Variants in KCNQ5 observed in about 807,000 individuals in gnomAD.
KCNQ5 encodes potassium voltage-gated channel subfamily KQT member 5.
In KCNQ5, 30 loss-of-function variants were observed where a neutral mutation model predicts 98.2. The ratio of observed to expected loss-of-function variants is 0.31; its 90% CI spans 0.23 to 0.41. The LOEUF (loss-of-function observed/expected upper bound fraction) is 0.41. Ranked by LOEUF, KCNQ5 falls within the 10% of genes least tolerant of loss-of-function variation. The pLI, the probability that KCNQ5 is intolerant of heterozygous loss-of-function variation, is 1.00. For synonymous variants in KCNQ5, 458 were observed against 449.4 expected (o/e 1.02, Z -0.24); for missense variants, 835 against 1,182.5 (o/e 0.71, Z 4.31).
intron 1 of KCNQ5, among the ~76,000 whole-genome samples, chr6:72,689,452 A>T (rs1432479654): frequency 2.0e-5 from 3 of 152,236 alleles, no homozygotes; most frequent in Non-Finnish European, 4.4e-5. Flanking sequence ...ACCCAGAAAA[A>T]TTAAGGAGCA....
At chr6:72,725,737 A>T (rs1372787572) in intron 1 of KCNQ5, among the ~76,000 whole-genome samples, 1 of 152,166 alleles carries the variant, frequency 6.6e-6, no homozygotes, top group African/African-American at 2.4e-5. Context: ...GCTTGATGTA[A>T]TCATTCCACA....
At chr6:73,123,347 T>A (rs1300900572) in intron 8 of KCNQ5, among the ~76,000 whole-genome samples, 1 of 152,140 alleles carries the variant, frequency 6.6e-6, no homozygotes, top group Non-Finnish European at 1.5e-5. Context: ...ATCATCATCA[T>A]CAATGTTACT....
intron 12 of KCNQ5, among the ~76,000 whole-genome samples, chr6:73,191,851 T>A (rs986004115): frequency 6.6e-6 from 1 of 152,198 alleles, no homozygotes; most frequent in Non-Finnish European, 1.5e-5. Flanking sequence ...TGGAAAGTTG[T>A]CTATACTCTT....
intron 2 of KCNQ5, among the ~76,000 whole-genome samples, chr6:73,036,893 C>A (rs1294077454): frequency 6.6e-6 from 1 of 152,124 alleles, no homozygotes; most frequent in Non-Finnish European, 1.5e-5. Context: ...CATATGGTAA[C>A]TATATGTCCA....
chr6:72,961,278 G>C (rs1268503289), intron 1 of KCNQ5, among the ~76,000 whole-genome samples: 1 of 152,114 alleles, frequency 6.6e-6, no homozygotes, highest in Non-Finnish European at 1.5e-5. Context: ...TGCCAAACTA[G>C]GCAAGACCAC....
At chr6:73,096,217 C>T (rs1471247832) in intron 5 of KCNQ5, among the ~76,000 whole-genome samples, 3 of 151,094 alleles carry the variant, frequency 2.0e-5, no homozygotes, top group Non-Finnish European at 4.4e-5. Flanking sequence ...TGGGAAGTGG[C>T]TTAAATTAGG....
intron 1 of KCNQ5, among the ~76,000 whole-genome samples, chr6:73,002,910 T>C (rs1769649408): frequency 6.6e-6 from 1 of 152,162 alleles, no homozygotes; most frequent in African/African-American, 2.4e-5. Context: ...GTAAGACTTG[T>C]AAGACTTTTC....
intron 1 of KCNQ5, among the ~76,000 whole-genome samples, chr6:72,693,640 T>G (rs1768328916): frequency 6.6e-6 from 1 of 152,142 alleles, no homozygotes; most frequent in South Asian, 2.1e-4. Flanking sequence ...TACTGGTTGT[T>G]TAAATTGTAC....
At chr6:73,043,476 G>A (rs931444314) in intron 3 of KCNQ5, among the ~76,000 whole-genome samples, 1 of 152,120 alleles carries the variant, frequency 6.6e-6, no homozygotes, top group African/African-American at 2.4e-5. Flanking sequence ...AAAGCCCCAA[G>A]GCATATTAGT....
At chr6:72,933,167 T>C (rs1765764465) in intron 1 of KCNQ5, among the ~76,000 whole-genome samples, 1 of 152,054 alleles carries the variant, frequency 6.6e-6, no homozygotes, top group African/African-American at 2.4e-5. Flanking sequence ...CACCTTCAGA[T>C]GCTGAGATTA....
intron 1 of KCNQ5, among the ~76,000 whole-genome samples, chr6:72,721,209 C>T (rs1281784222): frequency 2.0e-5 from 3 of 152,174 alleles, no homozygotes; most frequent in African/African-American, 7.2e-5. Flanking sequence ...GAACAGTACT[C>T]AGCACATAGT....
intron 10 of KCNQ5, among the ~76,000 whole-genome samples, chr6:73,147,776 G>A (rs1776982928): frequency 6.6e-6 from 1 of 151,992 alleles, no homozygotes; most frequent in African/African-American, 2.4e-5. Context: ...TTGTTTGGGG[G>A]TTTTAAAAAG....
intron 1 of KCNQ5, among the ~76,000 whole-genome samples, chr6:72,919,853 A>C (rs1780314344): frequency 6.6e-6 from 1 of 152,094 alleles, no homozygotes; most frequent in African/African-American, 2.4e-5. Flanking sequence ...ATTCTTCAAG[A>C]GCTCACTAGT....
chr6:73,115,228 G>A (rs1246445614), intron 7 of KCNQ5, among the ~76,000 whole-genome samples: 2 of 152,186 alleles, frequency 1.3e-5, no homozygotes, highest in East Asian at 3.9e-4. Flanking sequence ...ATAAAGTTGT[G>A]AAAATTTCCC....
At chr6:73,171,181 T>C (rs1324192771) in intron 11 of KCNQ5, among the ~76,000 whole-genome samples, 1 of 152,114 alleles carries the variant, frequency 6.6e-6, no homozygotes, top group Non-Finnish European at 1.5e-5. Context: ...CAGAAGATGT[T>C]TAAACACTAT....
chr6:72,875,160 T>A (rs1778361393), intron 1 of KCNQ5, among the ~76,000 whole-genome samples: 2 of 152,202 alleles, frequency 1.3e-5, no homozygotes, highest in African/African-American at 2.4e-5. Flanking sequence ...TGCTCAAAAC[T>A]CTTTTACAGA....
At chr6:72,922,989 T>G (rs1780475085) in intron 1 of KCNQ5, among the ~76,000 whole-genome samples, 1 of 151,868 alleles carries the variant, frequency 6.6e-6, no homozygotes. Flanking sequence ...TTTTTGTATT[T>G]TTAGTAGAGA....
At chr6:72,732,108 C>T (rs73539714) in intron 1 of KCNQ5, among the ~76,000 whole-genome samples, 7,526 of 152,114 alleles carry the variant, frequency 0.049, 422 homozygotes, top group African/African-American at 0.14. Flanking sequence ...AATACAATCC[C>T]CAACAAGTAC....
intron 1 of KCNQ5, among the ~76,000 whole-genome samples, chr6:72,660,271 A>G (rs1766442549): frequency 6.6e-6 from 1 of 152,192 alleles, no homozygotes; most frequent in Non-Finnish European, 1.5e-5. Flanking sequence ...GAGCTATAGA[A>G]AGATTGAACA....
Sources: gnomAD v4.1 joint callset for allele counts (sites outside exome capture counted in the v4.1 genomes callset) on GRCh38, gnomAD v4.1.1 for gene constraint, MANE v1.5 for transcripts, NCBI Gene and HGNC (gene_info 2026-07-23, HGNC 2026-07-21) for gene names.